The following KIF6 variants were observed in gnomAD, a reference collection of about 807,000 sequenced individuals.
KIF6 encodes the protein kinesin family member 6, also known as kinesin-like protein KIF6.
Under a neutral mutation model 112.7 loss-of-function variants are expected in KIF6, and 106 were observed. The ratio of observed to expected loss-of-function variants is 0.94; its 90% CI spans 0.80 to 1.11. The LOEUF (loss-of-function observed/expected upper bound fraction) is 1.11, where lower values mean the gene tolerates loss of function less well. KIF6 is among the 50% of genes least tolerant of loss of function. The pLI is 0.00. For missense variants in KIF6, 929 were observed against 964.0 expected, an observed-to-expected ratio of 0.96 and a Z score of 0.48; for synonymous variants, 339 against 339.9, an observed-to-expected ratio of 1.00 and a Z score of 0.03.
intron 19 of KIF6, among the ~76,000 whole-genome samples, 154 bp downstream of exon 19, chr6:39,357,123 T>C (rs1472603131): frequency 2.6e-5 from 4 of 152,184 alleles, no homozygotes; most frequent in Non-Finnish European, 5.9e-5. Context: ...AGCCACTGTC[T>C]TGAGTATCTA....
chr6:39,510,827 C>T (rs999844394), intron 13 of KIF6, among the ~76,000 whole-genome samples: 1 of 122,960 alleles, frequency 8.1e-6, no homozygotes, highest in Non-Finnish European at 1.6e-5. Flanking sequence ...CACACATAGG[C>T]TCAAAATAAA....
chr6:39,599,593 G>A (rs375790743), intron 6 of KIF6, among the ~76,000 whole-genome samples: 1 of 152,166 alleles, frequency 6.6e-6, no homozygotes, highest in African/African-American at 2.4e-5. Context: ...AAATAACTGT[G>A]CATGTAAAAC....
chr6:39,519,246 A>G lies in KIF6; in HGVS notation c.1645+20757T>C, dbSNP rs114616906. On this transcript the variant is annotated intron_variant, in intron 13 of 22. Transcript: ENST00000287152. ...TGAAAAACTTCCAATGGAATAGGCC[A>G]CATTATTGATGAAAGTCTTTGTTAT... Among the ~76,000 whole-genome samples, 735 of 152,324 alleles carry G rather than the reference A, an allele frequency of 4.8e-3. 5 individuals carry two copies. Among genetic ancestry groups the G allele is most frequent in the African/African-American group, 0.017 (689 of 41,564 alleles).
intron 13 of KIF6, among the ~76,000 whole-genome samples, chr6:39,503,967 A>G (rs80157298): frequency 0.042 from 6,419 of 152,304 alleles, 269 homozygotes; most frequent in East Asian, 0.25. Context: ...AACTATTCCA[A>G]AAAGTTGAAA....
At chr6:39,610,796 G>A (rs1041924093) in intron 6 of KIF6, among the ~76,000 whole-genome samples, 4 of 152,116 alleles carry the variant, frequency 2.6e-5, no homozygotes, top group African/African-American at 4.8e-5. Context: ...GGCTGTCATT[G>A]TAACATGGTA....
chr6:39,470,221 T>C (rs1774036923), intron 13 of KIF6, among the ~76,000 whole-genome samples: 1 of 151,864 alleles, frequency 6.6e-6, no homozygotes, highest in Non-Finnish European at 1.5e-5. Flanking sequence ...AGAGGTAGAG[T>C]AGGGAACTTT....
chr6:39,409,468 C>T (rs1415521972), intron 15 of KIF6, among the ~76,000 whole-genome samples: 1 of 152,222 alleles, frequency 6.6e-6, no homozygotes, highest in African/African-American at 2.4e-5. Flanking sequence ...CAATGTTGCC[C>T]AGTGGCAGTC....
chr6:39,548,748 G>A (rs890084884), intron 10 of KIF6, among the ~76,000 whole-genome samples: 2 of 152,156 alleles, frequency 1.3e-5, no homozygotes, highest in Non-Finnish European at 2.9e-5. Context: ...CTCCCTCTAA[G>A]GGGTCTCCCA....
intron 13 of KIF6, among the ~76,000 whole-genome samples, chr6:39,454,813 G>A (rs1224514498): frequency 3.3e-5 from 5 of 152,020 alleles, no homozygotes; most frequent in African/African-American, 9.7e-5. Flanking sequence ...TTTTCAGACC[G>A]GCTTAAAAAA....
chr6:39,545,326 T>C (rs1467801335), intron 11 of KIF6, among the ~76,000 whole-genome samples: 1 of 152,208 alleles, frequency 6.6e-6, no homozygotes, highest in African/African-American at 2.4e-5. Flanking sequence ...TTAAAAAATA[T>C]GGAACTATTC....
intron 13 of KIF6, among the ~76,000 whole-genome samples, chr6:39,524,228 T>C (rs939863978): frequency 3.9e-5 from 6 of 152,086 alleles, no homozygotes; most frequent in Non-Finnish European, 8.8e-5. Flanking sequence ...TGACAGGGCT[T>C]GTGCTCTTGG....
rs1432596543 is a variant in KIF6 at position 39,586,341 on chromosome 6, T to C, written c.910A>G (p.Ser304Gly). The change falls in exon 8 of 23, where the codon AGT (serine) becomes GGT (glycine). Residue 304 changes from serine (S) to glycine (G), a missense_variant. By Grantham distance (56) the Ser-to-Gly change is moderately conservative. Around this residue, in one of 2 missense-constraint regions of KIF6, gnomAD observed 688 missense variants for 662.7 expected, o/e 1.04. Transcript: ENST00000287152. Reference sequence around the variant, plus strand: ...CCTCCCAAACTGTCTCTTAGGACACTGGTCATCATGGAGTTTCTATAAGGA... The same window carrying C: ...CCTCCCAAACTGTCTCTTAGGACACCGGTCATCATGGAGTTTCTATAAGGA... ...HIPYRNSMMT[S>G]VLRDSLGGNC... 6.2e-7 allele frequency: 1 copy of C among 1,614,028 alleles called. No individual in the cohort carries two copies. The highest frequency in any genetic ancestry group is 1.3e-5 in the African/African-American group (1 of 75,064).
At chr6:39,457,981 A>G (rs1239927959) in intron 13 of KIF6, among the ~76,000 whole-genome samples, 6 of 150,960 alleles carry the variant, frequency 4.0e-5, no homozygotes, top group African/African-American at 1.2e-4. Flanking sequence ...AAACTATTCC[A>G]ATCAATAGAA....
chr6:39,501,290 A>G (rs1041574879), intron 13 of KIF6, among the ~76,000 whole-genome samples: 8 of 152,318 alleles, frequency 5.3e-5, no homozygotes, highest in African/African-American at 1.7e-4. Context: ...AAACAAACAG[A>G]AAATAACAAC....
intron 13 of KIF6, among the ~76,000 whole-genome samples, chr6:39,472,158 G>T (rs1427857398): frequency 6.6e-6 from 1 of 152,036 alleles, no homozygotes; most frequent in African/African-American, 2.4e-5. Flanking sequence ...CCTACAGTCT[G>T]GTTTCTATCC....
intron 3 of KIF6, among the ~76,000 whole-genome samples, chr6:39,687,052 T>C (rs1787912112): frequency 6.6e-6 from 1 of 152,126 alleles, no homozygotes; most frequent in Admixed American, 6.6e-5. Flanking sequence ...CAGTATTCTG[T>C]AGCAACCCAG....
chr6:39,454,457 A>G (rs1466016017), intron 13 of KIF6, among the ~76,000 whole-genome samples: 2 of 151,558 alleles, frequency 1.3e-5, no homozygotes, highest in Non-Finnish European at 2.9e-5. Flanking sequence ...GATATCCAGG[A>G]GCACAATAAA....
chr6:39,594,087 C>T (rs1239482447), intron 7 of KIF6, among the ~76,000 whole-genome samples: 2 of 151,924 alleles, frequency 1.3e-5, no homozygotes, highest in Admixed American at 6.6e-5. Context: ...TATAGAAAAT[C>T]CAATGCCACA....
chr6:39,423,782 T>C (rs1270885920), intron 14 of KIF6, among the ~76,000 whole-genome samples: 4 of 151,754 alleles, frequency 2.6e-5, no homozygotes, highest in Non-Finnish European at 4.4e-5. Flanking sequence ...AATCCTGGAG[T>C]CTCAGCCATT....
Sources: gnomAD v4.1 joint callset for allele counts (sites outside exome capture counted in the v4.1 genomes callset) on GRCh38, gnomAD v4.1.1 for gene constraint, gnomAD v4.1.1 regional missense constraint, MANE v1.5 for transcripts, NCBI Gene and HGNC (gene_info 2026-07-23, HGNC 2026-07-21) for gene names.